Variants in ANO3 observed in about 807,000 individuals in gnomAD.
The protein encoded by ANO3 is anoctamin-3.
Under a neutral mutation model 144.8 loss-of-function variants are expected in ANO3, and 99 were observed. The ratio of observed to expected loss-of-function variants is 0.68; its 90% confidence interval spans 0.58 to 0.81. ANO3 has a LOEUF of 0.81. Among genes scored for constraint, ANO3 ranks in the 30% least tolerant of loss-of-function variants. The pLI, the probability that ANO3 is intolerant of heterozygous loss-of-function variation, is 0.00. For missense variants in ANO3, 905 were observed against 1,202.2 expected (o/e 0.75, Z 3.66); for synonymous variants, 414 against 392.6 (o/e 1.05, Z -0.64).
chr11:26,366,614 C>T (rs912247740), intron 1 of ANO3, among the ~76,000 whole-genome samples: 1 of 152,056 alleles, frequency 6.6e-6, no homozygotes, highest in East Asian at 1.9e-4. Flanking sequence ...AGTGTTCCTA[C>T]TTCTCCACAT....
At chr11:26,643,656 G>A (rs1162713240) in intron 23 of ANO3, among the ~76,000 whole-genome samples, 1 of 152,088 alleles carries the variant, frequency 6.6e-6, no homozygotes, top group Non-Finnish European at 1.5e-5. Flanking sequence ...TCGGGAGGCT[G>A]AGACAGGAGA....
At chr11:26,253,064 G>C (rs997302133) in intron 1 of ANO3, among the ~76,000 whole-genome samples, 9 of 152,216 alleles carry the variant, frequency 5.9e-5, no homozygotes, top group Middle Eastern at 3.4e-3. Context: ...CTTCTTTAAC[G>C]CTTCACAATA....
chr11:26,552,194 C>A (rs529135183), intron 12 of ANO3, among the ~76,000 whole-genome samples: 1 of 152,084 alleles, frequency 6.6e-6, no homozygotes. Context: ...ATAAAATCAT[C>A]TTTGCCCGCT....
intron 4 of ANO3, among the ~76,000 whole-genome samples, chr11:26,486,836 G>A (rs1238917272): frequency 6.6e-6 from 1 of 152,124 alleles, no homozygotes; most frequent in African/African-American, 2.4e-5. Flanking sequence ...CATTTGATAG[G>A]GTCCTAAAGT....
chr11:26,268,514 G>C (rs1048935747), intron 1 of ANO3, among the ~76,000 whole-genome samples: 3 of 152,066 alleles, frequency 2.0e-5, no homozygotes, highest in African/African-American at 7.2e-5. Flanking sequence ...AATGTCAAAG[G>C]TCTCTTTTAC....
At chr11:26,300,162 G>A (rs997001873) in intron 1 of ANO3, among the ~76,000 whole-genome samples, 1 of 151,788 alleles carries the variant, frequency 6.6e-6, no homozygotes, top group Admixed American at 6.6e-5. Flanking sequence ...AATTGCATAG[G>A]TATGAGTATG....
chr11:26,602,400 C>T (rs143045453), intron 17 of ANO3, among the ~76,000 whole-genome samples: 5 of 152,022 alleles, frequency 3.3e-5, no homozygotes, highest in African/African-American at 1.2e-4. Context: ...ATCATCTTAT[C>T]AGATACATTT....
At chr11:26,222,822 AG>A (rs1208024952) in intron 1 of ANO3, among the ~76,000 whole-genome samples, 4 of 152,146 alleles carry the variant, frequency 2.6e-5, no homozygotes, top group Admixed American at 2.6e-4. Context: ...TGAGCCTCTC[AG>A]GGTGGTGTAG....
intron 17 of ANO3, among the ~76,000 whole-genome samples, chr11:26,615,341 TG>T (rs1852221006): frequency 6.7e-6 from 1 of 150,186 alleles, no homozygotes; most frequent in African/African-American, 2.4e-5. Context: ...TGTTCTCATG[TG>T]TGGTTCCCTC....
At chr11:26,228,966 A>G (rs1189366138) in intron 1 of ANO3, among the ~76,000 whole-genome samples, 1 of 152,238 alleles carries the variant, frequency 6.6e-6, no homozygotes, top group Admixed American at 6.5e-5. Flanking sequence ...TAAGAAAAAA[A>G]TAATAATTAA....
chr11:26,502,177 TTGG>T, intron 4 of ANO3, among the ~76,000 whole-genome samples: 1 of 152,210 alleles, frequency 6.6e-6, no homozygotes, highest in East Asian at 1.9e-4. Flanking sequence ...ATTTGGATTA[TTGG>T]AAAACAAGTA....
At chr11:26,613,881 C>G (rs917725565) in intron 17 of ANO3, among the ~76,000 whole-genome samples, 1 of 152,240 alleles carries the variant, frequency 6.6e-6, no homozygotes, top group African/African-American at 2.4e-5. Flanking sequence ...GGCCAACAAT[C>G]TGTATGGTGA....
Position 26,643,224 on chromosome 11 carries a change from C to G in ANO3, c.2318C>G (p.Pro773Arg). The G allele has an allele frequency of 6.2e-7, 1 of 1,614,016 alleles. No individual in the cohort carries two copies. Among genetic ancestry groups the G allele is most frequent in the Non-Finnish European group, 8.5e-7 (1 of 1,179,944 alleles). The change falls in exon 23 of 27, where the codon CCT becomes CGT. Residue 773 changes from proline (P) to arginine (R), a missense_variant. By Grantham distance (103) the Pro-to-Arg change is moderately radical. Coordinates refer to ENST00000256737, the MANE Select transcript of ANO3 (RefSeq NM_031418.4). The stretch of plus-strand genomic sequence containing the variant: ...ACCACCATCTTTGTTGCGGCTTTTC[C>G]TCTAGCCCCTCTTTTGGCTTTGTTA... ...GFTTIFVAAF[P>R]LAPLLALLNN... is the part of the protein sequence containing the mutation.
chr11:26,499,168 G>A (rs777965146), intron 4 of ANO3, among the ~76,000 whole-genome samples: 7 of 151,670 alleles, frequency 4.6e-5, no homozygotes, highest in South Asian at 4.1e-4. Context: ...TACGAATTTC[G>A]CAGTTATTTA....
chr11:26,305,146 T>A (rs1181287515), upstream of ANO3, among the ~76,000 whole-genome samples: 2 of 146,326 alleles, frequency 1.4e-5, no homozygotes, highest in African/African-American at 5.1e-5. Flanking sequence ...ATTCATTAGC[T>A]CCCTACAAGG....
intron 23 of ANO3, 73 bp downstream of exon 23, chr11:26,643,407 G>C (rs1230683049): frequency 6.4e-7 from 1 of 1,553,180 alleles, no homozygotes; most frequent in Non-Finnish European, 8.8e-7. Context: ...TGTGCCCCCA[G>C]ATTCATATGT....
rs542941449 is a variant in ANO3 at position 26,358,423 on chromosome 11, G to C, written c.46+26102G>C. On this transcript the variant is annotated intron_variant, in intron 1 of 26. Transcript: ENST00000256737. ...TTGACCTCGTGATCCACCTGCGTCGGCCTCCCAACGTGCTGGGATGACAGG... is the reference window on the plus strand; with the variant it reads ...TTGACCTCGTGATCCACCTGCGTCGCCCTCCCAACGTGCTGGGATGACAGG... Among the ~76,000 whole-genome samples, 3 of 152,216 alleles carry C rather than the reference G, an allele frequency of 2.0e-5. No homozygotes were observed. The South Asian group carries it at 6.2e-4, about 32-fold the overall frequency.
At chr11:26,323,891 C>A (rs1590260375) in intron 1 of ANO3, among the ~76,000 whole-genome samples, 1 of 152,160 alleles carries the variant, frequency 6.6e-6, no homozygotes. Flanking sequence ...CCATCTCCAT[C>A]TTACCAGCTC....
chr11:26,206,655 C>A (rs1253623116), intron 1 of ANO3, among the ~76,000 whole-genome samples: 1 of 152,134 alleles, frequency 6.6e-6, no homozygotes, highest in Non-Finnish European at 1.5e-5. Context: ...AGAGTATTCT[C>A]AATCAAAATG....
Sources: gnomAD v4.1 joint callset for allele counts (sites outside exome capture counted in the v4.1 genomes callset) on GRCh38, gnomAD v4.1.1 for gene constraint, MANE v1.5 for transcripts, NCBI Gene and HGNC (gene_info 2026-07-23, HGNC 2026-07-21) for gene names.